The following CELF2 variants were observed in gnomAD, a reference collection of about 807,000 sequenced individuals.
The protein encoded by CELF2 is CUG triplet repeat RNA-binding protein 2.
A neutral mutation model predicts 62.6 loss-of-function variants in CELF2; 8 were observed. That is an observed-to-expected ratio of 0.13 (90% CI 0.07 to 0.23). The LOEUF is 0.23. Among genes scored for constraint, CELF2 ranks in the 10% least tolerant of loss-of-function variants. The pLI is 1.00. For missense variants in CELF2, 333 were observed against 671.0 expected (o/e 0.50, Z 5.56); for synonymous variants, 258 against 250.0 (o/e 1.03, Z -0.30).
the CELF2 span, among the ~76,000 whole-genome samples, chr10:10,767,969 C>G: frequency 9.5e-6 from 1 of 104,760 alleles, no homozygotes; most frequent in African/African-American, 4.1e-5. Context: ...GCACTCCAGC[C>G]TGGGCGACAG....
chr10:10,719,285 G>T, the CELF2 span, among the ~76,000 whole-genome samples: 4 of 151,962 alleles, frequency 2.6e-5, no homozygotes, highest in Non-Finnish European at 5.9e-5. Flanking sequence ...ATGATACAGG[G>T]TCTCACTCTA....
At chr10:10,658,025 A>G in the CELF2 span, among the ~76,000 whole-genome samples, 2 of 152,220 alleles carry the variant, frequency 1.3e-5, no homozygotes, top group African/African-American at 2.4e-5. Flanking sequence ...TTAACATGCC[A>G]CTATGAAACA....
chr10:10,730,626 A>G, the CELF2 span, among the ~76,000 whole-genome samples: 1 of 152,244 alleles, frequency 6.6e-6, no homozygotes, highest in Non-Finnish European at 1.5e-5. Context: ...GGAAAGCTAA[A>G]ATATTTGCCA....
chr10:10,724,402 T>C, the CELF2 span, among the ~76,000 whole-genome samples: 5 of 152,038 alleles, frequency 3.3e-5, no homozygotes, highest in Non-Finnish European at 5.9e-5. Context: ...ATGCCTGTAA[T>C]CCCACCATTT....
At chr10:10,587,507 C>G in the CELF2 span, among the ~76,000 whole-genome samples, 3 of 152,018 alleles carry the variant, frequency 2.0e-5, no homozygotes, top group African/African-American at 7.2e-5. Context: ...TTTAACTCAT[C>G]GGTCGTGGCA....
chr10:11,206,954 A>C lies in CELF2; in HGVS notation c.272-10471A>C, dbSNP rs138034746. 1.1e-3 allele frequency among the ~76,000 whole-genome samples: 174 copies of C among 152,318 alleles called. 1 individual carries two copies. Among genetic ancestry groups the C allele is most frequent in the African/African-American group, 4.0e-3 (166 of 41,572 alleles). On this transcript the variant is annotated intron_variant, in intron 2 of 12. Coordinates refer to ENST00000633077, the MANE Select transcript of CELF2 (RefSeq NM_001326342.2). ...GGGAGAGTTCGTGAAACAGCTGAACACGATGATTGTCCCATCGGGGGAAAA... is the reference window on the plus strand; with the variant it reads ...GGGAGAGTTCGTGAAACAGCTGAACCCGATGATTGTCCCATCGGGGGAAAA...
the CELF2 span, among the ~76,000 whole-genome samples, chr10:10,574,858 C>T: frequency 1.3e-5 from 2 of 148,870 alleles, no homozygotes; most frequent in Non-Finnish European, 3.0e-5. Context: ...TACAGATGCC[C>T]GCCACCATGC....
chr10:10,691,639 C>T, the CELF2 span, among the ~76,000 whole-genome samples: 1 of 151,048 alleles, frequency 6.6e-6, no homozygotes, highest in Non-Finnish European at 1.5e-5. Flanking sequence ...TAAAAGTGTT[C>T]CTATTTCTCC....
rs1392390426 is a variant in CELF2, at chr10:11,156,879, T to G, written c.75-8607T>G. Among the ~76,000 whole-genome samples the G allele has an allele frequency of 6.6e-6, 1 of 152,220 alleles. No individual in the cohort carries two copies. The highest frequency in any genetic ancestry group is 1.5e-5 in the Non-Finnish European group (1 of 68,038). The stretch of plus-strand genomic sequence containing the variant: ...GAGCCAGTATGAAAGACAGGGAAGA[T>G]GAGCCTAAAAGCTGATTGGAGGAAA... On this transcript the variant is annotated intron_variant, in intron 1 of 12. Coordinates refer to ENST00000633077, the MANE Select transcript of CELF2 (RefSeq NM_001326342.2). This position sits in a 1 kb window ranked among gnomAD's most constrained non-coding sequence, Gnocchi z 4.3.
chr10:11,087,771 A>G (rs975841839), intron 1 of CELF2, among the ~76,000 whole-genome samples: 2 of 152,192 alleles, frequency 1.3e-5, no homozygotes, highest in African/African-American at 4.8e-5. Flanking sequence ...GTCCTTCTAC[A>G]GCCTCTTCTC....
chr10:10,658,170 A>G, the CELF2 span, among the ~76,000 whole-genome samples: 1 of 152,214 alleles, frequency 6.6e-6, no homozygotes, highest in East Asian at 1.9e-4. Context: ...AAATCCAAAT[A>G]TTGAGTCTCA....
At chr10:11,142,162 T>A (rs907191334) in intron 1 of CELF2, among the ~76,000 whole-genome samples, 5 of 152,328 alleles carry the variant, frequency 3.3e-5, no homozygotes, top group Non-Finnish European at 7.4e-5. Flanking sequence ...GTGGTACGTT[T>A]AGAGAAGAAT....
At chr10:10,529,111 G>A in the CELF2 span, among the ~76,000 whole-genome samples, 1 of 152,158 alleles carries the variant, frequency 6.6e-6, no homozygotes, top group African/African-American at 2.4e-5. Context: ...ATTTAAATTA[G>A]CATTATAGCA....
intron 1 of CELF2, among the ~76,000 whole-genome samples, chr10:11,079,579 T>C (rs1007052016): frequency 2.6e-5 from 4 of 152,194 alleles, no homozygotes; most frequent in African/African-American, 9.6e-5. Flanking sequence ...TCACTTGGCA[T>C]TCATTCTCAC....
intron 2 of CELF2, chr10:10,944,272 A>T (rs1056234669): frequency 5.9e-5 from 9 of 152,664 alleles, no homozygotes; most frequent in African/African-American, 2.2e-4. Context: ...GTCTTGAAAC[A>T]CTTTTCTCCT....
the CELF2 span, among the ~76,000 whole-genome samples, chr10:10,523,960 A>G: frequency 6.6e-6 from 1 of 152,214 alleles, no homozygotes; most frequent in African/African-American, 2.4e-5. Context: ...TTCAGCCAGC[A>G]ACATTGCTAC....
the CELF2 span, among the ~76,000 whole-genome samples, chr10:10,546,872 C>T: frequency 2.6e-5 from 4 of 151,684 alleles, no homozygotes; most frequent in Admixed American, 2.6e-4. Context: ...TTTGAGAGAC[C>T]GAGGCAGGGG....
rs2087971743 is a variant in CELF2, at chr10:11,280,442, G to A, written c.841+5322G>A. Among the ~76,000 whole-genome samples the A allele has an allele frequency of 6.6e-6, 1 of 152,212 alleles. No individual in the cohort carries two copies. Reference sequence around the variant, plus strand: ...AAAACCGTTTCTCCCCCGCATAGGAGGGGAAGGCAGGCAGGTGCGATGTCC... The same window carrying A: ...AAAACCGTTTCTCCCCCGCATAGGAAGGGAAGGCAGGCAGGTGCGATGTCC... On this transcript the variant is annotated intron_variant, in intron 8 of 12. Coordinates refer to ENST00000633077, the MANE Select transcript of CELF2 (RefSeq NM_001326342.2). This position sits in a 1 kb window ranked among gnomAD's most constrained non-coding sequence, Gnocchi z 7.6.
chr10:10,601,124 G>C, the CELF2 span, among the ~76,000 whole-genome samples: 2 of 152,188 alleles, frequency 1.3e-5, no homozygotes, highest in East Asian at 3.9e-4. Flanking sequence ...CAGAAAGCTT[G>C]ACCAATACCC....
Sources: allele counts gnomAD v4.1 joint callset (sites outside exome capture counted in the v4.1 genomes callset), GRCh38; gene constraint gnomAD v4.1.1; non-coding constraint Gnocchi (gnomAD v3.1); transcripts MANE v1.5; gene names NCBI Gene and HGNC (gene_info 2026-07-23, HGNC 2026-07-21).